Variants in CSMD3 observed in about 807,000 individuals in gnomAD.
CSMD3 encodes CUB and sushi domain-containing protein 3.
A neutral mutation model predicts 435.2 loss-of-function variants in CSMD3; 177 were observed. The observed-to-expected ratio is 0.41, with a 90% CI of 0.36 to 0.46. The LOEUF is 0.46. Ranked by LOEUF, CSMD3 falls within the 20% of genes least tolerant of loss-of-function variation. The pLI, the probability that CSMD3 is intolerant of heterozygous loss-of-function variation, is 0.34. For missense variants in CSMD3, 4,265 were observed against 4,504.6 expected, an observed-to-expected ratio of 0.95 and a Z score of 1.52; for synonymous variants, 1,656 against 1,520.5, an observed-to-expected ratio of 1.09 and a Z score of -2.07.
At chr8:113,094,909 A>C (rs2090117908) in intron 5 of CSMD3, among the ~76,000 whole-genome samples, 1 of 151,998 alleles carries the variant, frequency 6.6e-6, no homozygotes, top group Non-Finnish European at 1.5e-5. Context: ...GTCTCTACTA[A>C]AAATACAAAA....
intron 13 of CSMD3, among the ~76,000 whole-genome samples, chr8:112,792,203 A>AT (rs1587310559): frequency 2.0e-5 from 3 of 152,066 alleles, no homozygotes; most frequent in Non-Finnish European, 4.4e-5. Context: ...CAATTTATCA[A>AT]TTTTTTTAAT....
intron 32 of CSMD3, among the ~76,000 whole-genome samples, chr8:112,461,701 G>A (rs1817464942): frequency 1.3e-5 from 2 of 151,926 alleles, no homozygotes; most frequent in African/African-American, 2.4e-5. Context: ...TGACCATCAC[G>A]GATATTCCGA....
chr8:112,632,760 A>G (rs1202321906), intron 22 of CSMD3, among the ~76,000 whole-genome samples: 1 of 152,010 alleles, frequency 6.6e-6, no homozygotes, highest in Non-Finnish European at 1.5e-5. Context: ...ACAAAAAAGG[A>G]AAGTGTTTCT....
At chr8:112,240,931 T>C (rs1833320) in intron 66 of CSMD3, among the ~76,000 whole-genome samples, 100,911 of 151,892 alleles carry the variant, frequency 0.66, 35,332 homozygotes, top group African/African-American at 0.89. Context: ...CTCCTACTTG[T>C]CTTCCTCCAT....
chr8:112,775,052 C>T (rs565012685), intron 13 of CSMD3, among the ~76,000 whole-genome samples: 2 of 151,918 alleles, frequency 1.3e-5, no homozygotes, highest in East Asian at 3.9e-4. Context: ...GTAAGATGCC[C>T]ACCACTTATA....
intron 5 of CSMD3, among the ~76,000 whole-genome samples, chr8:113,048,619 T>C (rs1192097285): frequency 1.3e-5 from 2 of 151,072 alleles, no homozygotes; most frequent in Admixed American, 6.6e-5. Flanking sequence ...AACTTTTATA[T>C]AATATTTTAT....
At chr8:112,308,722 G>C (rs920071501) in intron 50 of CSMD3, among the ~76,000 whole-genome samples, 2 of 151,832 alleles carry the variant, frequency 1.3e-5, no homozygotes, top group Non-Finnish European at 2.9e-5. Context: ...TATGTGATGA[G>C]AACAAAAATA....
At chr8:112,414,597 T>A (rs967386042) in intron 32 of CSMD3, among the ~76,000 whole-genome samples, 2 of 152,214 alleles carry the variant, frequency 1.3e-5, no homozygotes, top group Non-Finnish European at 2.9e-5. Context: ...AGTGGGGTGC[T>A]GCTACAAAGA....
At chr8:112,724,586 G>A (rs925217424) in intron 13 of CSMD3, among the ~76,000 whole-genome samples, 15 of 152,022 alleles carry the variant, frequency 9.9e-5, no homozygotes, top group African/African-American at 2.2e-4. Context: ...TTAAGTATTC[G>A]CATACATAAC....
chr8:112,635,167 T>C (rs988100479), intron 22 of CSMD3, among the ~76,000 whole-genome samples: 6 of 152,032 alleles, frequency 3.9e-5, no homozygotes, highest in African/African-American at 1.4e-4. Context: ...TCAAAACAAT[T>C]AGTTAAAATA....
chr8:112,629,720 C>T (rs966131462), intron 22 of CSMD3, among the ~76,000 whole-genome samples: 2 of 152,174 alleles, frequency 1.3e-5, no homozygotes, highest in African/African-American at 2.4e-5. Context: ...AGGGAATAGA[C>T]AGATGATCTG....
chr8:112,283,069 C>T (rs1176913399), intron 58 of CSMD3, among the ~76,000 whole-genome samples: 1 of 151,986 alleles, frequency 6.6e-6, no homozygotes, highest in Non-Finnish European at 1.5e-5. Flanking sequence ...TTAACATCAC[C>T]ACCATTTCTT....
chr8:113,092,081 T>A (rs144664989), intron 5 of CSMD3, among the ~76,000 whole-genome samples: 1 of 152,056 alleles, frequency 6.6e-6, no homozygotes, highest in South Asian at 2.1e-4. Context: ...TGATAAACAG[T>A]CTTTGTCCTT....
intron 5 of CSMD3, among the ~76,000 whole-genome samples, chr8:113,092,854 C>T (rs755428907): frequency 6.6e-6 from 1 of 151,994 alleles, no homozygotes; most frequent in Non-Finnish European, 1.5e-5. Context: ...AAAAACAAAA[C>T]ACAAACAACT....
chr8:112,348,317 C>A (rs1268380376), intron 40 of CSMD3, among the ~76,000 whole-genome samples: 2 of 152,186 alleles, frequency 1.3e-5, no homozygotes, highest in African/African-American at 4.8e-5. Flanking sequence ...AAAATAAAAT[C>A]AACTTCTGTT....
intron 11 of CSMD3, among the ~76,000 whole-genome samples, chr8:112,837,945 C>T (rs2080075813): frequency 6.6e-6 from 1 of 151,778 alleles, no homozygotes; most frequent in African/African-American, 2.4e-5. Context: ...AACTTGACAT[C>T]TAATTAAAGC....
intron 9 of CSMD3, among the ~76,000 whole-genome samples, chr8:112,946,489 T>C (rs1457188663): frequency 6.6e-6 from 1 of 151,744 alleles, no homozygotes. Context: ...ATCAAATTAT[T>C]AGCCAGGTAA....
chr8:112,829,885 GCACACACACA>G (rs57982384), intron 11 of CSMD3, 96 bp from the exon 12 acceptor site: 155,704 of 582,426 alleles, frequency 0.27, 7,801 homozygotes, highest in Non-Finnish European at 0.3. Flanking sequence ...TTGTCTCTCT[GCACACACACA>G]CACACACACA....
At position 112,494,493 on chromosome 8, in the gene CSMD3, TCCTTTC is replaced by T. The variant is rs1460644125; in HGVS notation, c.5084-1816_5084-1811del. 6.9e-5 allele frequency among the ~76,000 whole-genome samples: 7 copies of T among 101,796 alleles called. 1 individual carries two copies. Among genetic ancestry groups the T allele is most frequent in the East Asian group, 2.7e-4 (1 of 3,682 alleles). 66.8% of individuals were successfully genotyped at this position (101,796 alleles called of 152,430 possible). On this transcript the variant is annotated intron_variant, in intron 30 of 70. Coordinates refer to ENST00000297405, the MANE Select transcript of CSMD3 (RefSeq NM_198123.2). Reference sequence around the variant, plus strand: ...CTTTCTTTTCTTTTGTTTCTTTCTCTCCTTTCTTTCTTTCTTTCTTTCTTTCTTTCT... The same window carrying T: ...CTTTCTTTTCTTTTGTTTCTTTCTCTTTTCTTTCTTTCTTTCTTTCTTTCT...
Sources: gnomAD v4.1 joint callset for allele counts (sites outside exome capture counted in the v4.1 genomes callset) on GRCh38, gnomAD v4.1.1 for gene constraint, MANE v1.5 for transcripts, NCBI Gene and HGNC (gene_info 2026-07-23, HGNC 2026-07-21) for gene names.